ITPR2: variants seen among roughly 807,000 people sequenced by gnomAD.
The protein encoded by ITPR2 is inositol 1,4,5-trisphosphate receptor type 2.
A neutral mutation model predicts 317.1 loss-of-function variants in ITPR2; 207 were observed. That is an observed-to-expected ratio of 0.65 (90% CI 0.58 to 0.73). ITPR2 has a LOEUF of 0.73. Ranked by LOEUF, ITPR2 falls within the 30% of genes least tolerant of loss-of-function variation. The pLI is 0.00. For missense variants in ITPR2, 2,613 were observed against 3,284.0 expected (o/e 0.80, Z 4.99); for synonymous variants, 1,156 against 1,149.1 (o/e 1.01, Z -0.12).
intron 37 of ITPR2, among the ~76,000 whole-genome samples, chr12:26,505,543 A>G (rs1464278261): frequency 6.6e-6 from 1 of 152,112 alleles, no homozygotes; most frequent in African/African-American, 2.4e-5. Flanking sequence ...ATCCTCTCTA[A>G]CCGCACCAAG....
intron 48 of ITPR2, among the ~76,000 whole-genome samples, chr12:26,428,701 G>A (rs1192238343): frequency 2.0e-5 from 3 of 152,104 alleles, no homozygotes; most frequent in Non-Finnish European, 4.4e-5. Flanking sequence ...CATTCCAAAT[G>A]TCTTAAAAAA....
intron 5 of ITPR2, 103 bp downstream of exon 5, chr12:26,722,294 T>A: frequency 5.8e-6 from 6 of 1,038,408 alleles, no homozygotes; most frequent in Non-Finnish European, 8.3e-6. Context: ...AGGTATTGAG[T>A]AAAAACTATA....
intron 55 of ITPR2, among the ~76,000 whole-genome samples, chr12:26,363,189 G>A (rs939453013): frequency 2.0e-5 from 3 of 152,168 alleles, no homozygotes; most frequent in Non-Finnish European, 4.4e-5. Flanking sequence ...TCATAGAAGT[G>A]TGAACCTCCT....
intron 13 of ITPR2, among the ~76,000 whole-genome samples, chr12:26,670,823 A>C (rs1399396013): frequency 6.6e-6 from 1 of 152,234 alleles, no homozygotes; most frequent in Non-Finnish European, 1.5e-5. Context: ...ACGAATGTAT[A>C]ACTAGAATAA....
intron 49 of ITPR2, among the ~76,000 whole-genome samples, chr12:26,423,250 C>T (rs577855018): frequency 3.9e-5 from 6 of 152,246 alleles, no homozygotes; most frequent in East Asian, 3.9e-4. Context: ...AAATATATCA[C>T]TGAATTTGTG....
At chr12:26,453,031 TA>T (rs942540759) in intron 45 of ITPR2, among the ~76,000 whole-genome samples, 45 of 152,248 alleles carry the variant, frequency 3.0e-4, no homozygotes, top group African/African-American at 1.1e-3. Flanking sequence ...TGAAAAGAGA[TA>T]AAAAATTATC....
At chr12:26,397,587 G>A (rs1940039743) in intron 54 of ITPR2, among the ~76,000 whole-genome samples, 1 of 152,054 alleles carries the variant, frequency 6.6e-6, no homozygotes, top group Non-Finnish European at 1.5e-5. Context: ...AACAGGGAAT[G>A]ACTGCTTTCT....
chr12:26,817,325 G>C (rs1950876318), intron 1 of ITPR2, among the ~76,000 whole-genome samples: 1 of 152,114 alleles, frequency 6.6e-6, no homozygotes, highest in Non-Finnish European at 1.5e-5. Context: ...TCAAATGTGA[G>C]CAAACAAAAG....
intron 35 of ITPR2, among the ~76,000 whole-genome samples, chr12:26,559,706 A>G (rs1478564634): frequency 6.6e-6 from 1 of 152,038 alleles, no homozygotes; most frequent in Non-Finnish European, 1.5e-5. Flanking sequence ...TCCTTTACTC[A>G]CTAAACTCCT....
intron 55 of ITPR2, among the ~76,000 whole-genome samples, chr12:26,369,786 G>C (rs1326035498): frequency 6.6e-6 from 1 of 152,202 alleles, no homozygotes; most frequent in African/African-American, 2.4e-5. Flanking sequence ...CTGGTCACCA[G>C]AAAGACCAAC....
intron 36 of ITPR2, among the ~76,000 whole-genome samples, chr12:26,553,892 G>A (rs138680131): frequency 6.6e-6 from 1 of 152,188 alleles, no homozygotes; most frequent in African/African-American, 2.4e-5. Context: ...GAAGTGGTAG[G>A]GTGAGCAGTA....
chr12:26,415,721 G>A (rs1256753272), intron 50 of ITPR2, among the ~76,000 whole-genome samples: 1 of 152,080 alleles, frequency 6.6e-6, no homozygotes, highest in Non-Finnish European at 1.5e-5. Context: ...CATATAATGT[G>A]CATCTGTTGG....
intron 55 of ITPR2, among the ~76,000 whole-genome samples, chr12:26,342,227 T>C (rs1475569280): frequency 6.6e-6 from 1 of 152,130 alleles, no homozygotes; most frequent in Non-Finnish European, 1.5e-5. Flanking sequence ...GTTGATGTGA[T>C]GCATGTTAAT....
chr12:26,389,723 G>T (rs1939776213), intron 54 of ITPR2, among the ~76,000 whole-genome samples: 1 of 151,676 alleles, frequency 6.6e-6, no homozygotes, highest in Non-Finnish European at 1.5e-5. Flanking sequence ...TTTTCTTATA[G>T]TGCTTACCAC....
At chr12:26,680,205 T>C (rs1223582237) in intron 13 of ITPR2, among the ~76,000 whole-genome samples, 1 of 152,056 alleles carries the variant, frequency 6.6e-6, no homozygotes, top group Non-Finnish European at 1.5e-5. Context: ...ACAGGCTCTA[T>C]TGGACAAGAA....
chr12:26,714,020 A>C (rs901804705), intron 8 of ITPR2, among the ~76,000 whole-genome samples: 2 of 152,226 alleles, frequency 1.3e-5, no homozygotes, highest in African/African-American at 4.8e-5. Context: ...GTCCATCTGC[A>C]TGCTAGCGAC....
At chr12:26,716,739 T>A (rs1286996865) in intron 5 of ITPR2, among the ~76,000 whole-genome samples, 1 of 152,202 alleles carries the variant, frequency 6.6e-6, no homozygotes, top group Non-Finnish European at 1.5e-5. Flanking sequence ...AATTCTAATG[T>A]CAGCTCGATT....
At chr12:26,789,721 T>C (rs1453902273) in intron 2 of ITPR2, among the ~76,000 whole-genome samples, 4 of 152,212 alleles carry the variant, frequency 2.6e-5, no homozygotes, top group Admixed American at 2.6e-4. Flanking sequence ...TTGTCAGTTA[T>C]TACACACCAT....
chr12:26,661,269 T>TGGGGGGGG (rs1332276817), intron 15 of ITPR2, among the ~76,000 whole-genome samples: 1 of 6,750 alleles, frequency 1.5e-4, no homozygotes, highest in Non-Finnish European at 2.5e-4. Context: ...GGTAGGGGTG[T>TGGGGGGGG]GTGTGTGGGG....
Sources: gnomAD v4.1 joint callset for allele counts (sites outside exome capture counted in the v4.1 genomes callset) on GRCh38, gnomAD v4.1.1 for gene constraint, MANE v1.5 for transcripts, NCBI Gene and HGNC (gene_info 2026-07-23, HGNC 2026-07-21) for gene names.